The following TENT2 variants were observed in gnomAD, a reference collection of about 807,000 sequenced individuals.
TENT2 encodes poly(A) RNA polymerase GLD2.
Under a neutral mutation model 72.2 loss-of-function variants are expected in TENT2, and 44 were observed. That is an observed-to-expected ratio of 0.61 (90% confidence interval 0.48 to 0.78). The LOEUF (loss-of-function observed/expected upper bound fraction) is 0.78, where lower values mean the gene tolerates loss of function less well. Among genes scored for constraint, TENT2 ranks in the 30% least tolerant of loss-of-function variants. TENT2 has a pLI of 0.00. For missense variants in TENT2, 541 were observed against 569.6 expected, an observed-to-expected ratio of 0.95 and a Z score of 0.51; for synonymous variants, 212 against 192.5, an observed-to-expected ratio of 1.10 and a Z score of -0.84.
intron 1 of TENT2, among the ~76,000 whole-genome samples, chr5:79,614,441 C>T (rs1757938058): frequency 6.6e-6 from 1 of 152,120 alleles, no homozygotes; most frequent in Non-Finnish European, 1.5e-5. Context: ...CTCATGTAAA[C>T]CTGTGTAATT....
chr5:79,622,932 A>C (rs904097362), intron 3 of TENT2, among the ~76,000 whole-genome samples: 6 of 152,166 alleles, frequency 3.9e-5, no homozygotes, highest in Admixed American at 2.6e-4. Context: ...TCTTCTTAGT[A>C]ATTCTATAAA....
At chr5:79,648,773 A>G in intron 9 of TENT2, 80 bp downstream of exon 9, 1 of 1,093,686 alleles carries the variant, frequency 9.1e-7, no homozygotes, top group Non-Finnish European at 1.3e-6. Context: ...AAATAGTGAC[A>G]TCTCTTTAGT....
chr5:79,635,075 T>C (rs1778992873), intron 4 of TENT2, among the ~76,000 whole-genome samples: 1 of 152,230 alleles, frequency 6.6e-6, no homozygotes, highest in African/African-American at 2.4e-5. Context: ...CAGCTTGTTA[T>C]TACATATATG....
chr5:79,653,792 C>CA (rs1795911914), intron 10 of TENT2, among the ~76,000 whole-genome samples: 1 of 152,228 alleles, frequency 6.6e-6, no homozygotes, highest in South Asian at 2.1e-4. Flanking sequence ...AAAGGGCAAA[C>CA]AAGAGTCTGC....
intron 6 of TENT2, among the ~76,000 whole-genome samples, chr5:79,642,184 C>T (rs1293608528): frequency 6.6e-6 from 1 of 151,900 alleles, no homozygotes; most frequent in Non-Finnish European, 1.5e-5. Flanking sequence ...TATATTTTTA[C>T]TATTCATATT....
In TENT2 at chr5:79,685,235, A is replaced by G. The variant is rs1045396435; in HGVS notation, c.1417A>G (p.Ser473Gly). Residue 473 changes from serine (S) to glycine (G), a missense_variant, in exon 15 of 15, where the codon AGT becomes GGT. By Grantham distance (56) the Ser-to-Gly change is moderately conservative. Transcript: ENST00000453514. Reference protein sequence around the residue: ...HRLKNKRDLNSILPVRAAVLK... With the variant: ...HRLKNKRDLNGILPVRAAVLK... ...ATTGAAAAACAAGAGAGATTTGAAC[A>G]GTATACTACCTGTAAGAGCTGCTGT... 1.0e-5 allele frequency: 16 copies of G among 1,606,460 alleles called. No individual in the cohort carries two copies. The highest frequency in any genetic ancestry group is 1.4e-5 in the Non-Finnish European group (16 of 1,178,162).
intron 3 of TENT2, among the ~76,000 whole-genome samples, chr5:79,620,327 C>G (rs779143492): frequency 6.6e-5 from 10 of 152,130 alleles, no homozygotes; most frequent in Admixed American, 6.5e-4. Context: ...CTCCCCTTTT[C>G]TATATCCCAG....
rs1174804423 is a variant in TENT2, at chr5:79,654,605, A to G, written c.1028-2353A>G. 6.6e-5 allele frequency among the ~76,000 whole-genome samples: 10 copies of G among 152,162 alleles called. No individual in the cohort carries two copies. In the East Asian group the frequency reaches 1.9e-3, roughly 29 times the overall value. On this transcript the variant is annotated intron_variant, in intron 10 of 14. Transcript: ENST00000453514. ...GTGGCGAAACCCTGTCTCTACTAAAATACAAAAAACTAGCTGGATGTGGTG... is the reference window on the plus strand; with the variant it reads ...GTGGCGAAACCCTGTCTCTACTAAAGTACAAAAAACTAGCTGGATGTGGTG...
chr5:79,670,473 C>T (rs776492515), intron 12 of TENT2, among the ~76,000 whole-genome samples: 13 of 151,244 alleles, frequency 8.6e-5, no homozygotes, highest in Admixed American at 2.6e-4. Flanking sequence ...TACAAGCACC[C>T]GTGACCACGC....
chr5:79,635,495 A>G (rs144335117), intron 4 of TENT2, among the ~76,000 whole-genome samples: 175 of 152,350 alleles, frequency 1.1e-3, no homozygotes, highest in African/African-American at 4.1e-3. Context: ...TTTCTACATT[A>G]ACAAGGTCAT....
intron 14 of TENT2, among the ~76,000 whole-genome samples, chr5:79,684,474 T>C (rs1825038943): frequency 6.6e-6 from 1 of 152,062 alleles, no homozygotes; most frequent in South Asian, 2.1e-4. Flanking sequence ...CAGGCTGGCC[T>C]TCAGCTCCTG....
chr5:79,679,691 T>G (rs376629281), intron 13 of TENT2, 21 bp downstream of exon 13: 12 of 1,394,212 alleles, frequency 8.6e-6, no homozygotes, highest in Admixed American at 2.0e-5. Flanking sequence ...GTTTACCATC[T>G]ACGTATCATC....
intron 12 of TENT2, among the ~76,000 whole-genome samples, chr5:79,678,245 T>G (rs1818821755): frequency 6.6e-6 from 1 of 152,202 alleles, no homozygotes; most frequent in Admixed American, 6.5e-5. Flanking sequence ...GCAAGATTTT[T>G]CATGCTTATT....
chr5:79,657,151 A>G (rs1457068921), intron 11 of TENT2, 150 bp downstream of exon 11: 2 of 532,190 alleles, frequency 3.8e-6, no homozygotes, highest in Admixed American at 7.4e-5. Flanking sequence ...AAAATGTTTC[A>G]TATACTGTTT....
At chr5:79,616,189 A>ATTT (rs1229523040) in intron 1 of TENT2, among the ~76,000 whole-genome samples, 3 of 88,118 alleles carry the variant, frequency 3.4e-5, no homozygotes, top group Admixed American at 1.4e-4. Flanking sequence ...ACCCGGCCTA[A>ATTT]TTTTTTTTTT....
At chr5:79,652,343 T>G (rs1381910039) in intron 10 of TENT2, among the ~76,000 whole-genome samples, 2 of 152,042 alleles carry the variant, frequency 1.3e-5, no homozygotes, top group African/African-American at 4.8e-5. Context: ...CATGATATAT[T>G]CTCATACATC....
intron 8 of TENT2, among the ~76,000 whole-genome samples, chr5:79,647,763 A>G (rs139625724): frequency 1.3e-5 from 2 of 152,318 alleles, no homozygotes; most frequent in East Asian, 1.9e-4. Flanking sequence ...ACTGACTTAC[A>G]TAAAGTAATC....
At chr5:79,619,288 A>T (rs1398142814) in intron 1 of TENT2, among the ~76,000 whole-genome samples, 3 of 152,188 alleles carry the variant, frequency 2.0e-5, no homozygotes, top group African/African-American at 7.2e-5. Context: ...AAATGTAATA[A>T]TCTGTGGGAT....
chr5:79,630,979 T>C (rs1271813668), intron 4 of TENT2, among the ~76,000 whole-genome samples: 1 of 152,070 alleles, frequency 6.6e-6, no homozygotes, highest in Non-Finnish European at 1.5e-5. Flanking sequence ...ATGCTAGTAG[T>C]TAAGATGAAG....
Sources: gnomAD v4.1 joint callset for allele counts (sites outside exome capture counted in the v4.1 genomes callset) on GRCh38, gnomAD v4.1.1 for gene constraint, MANE v1.5 for transcripts, NCBI Gene and HGNC (gene_info 2026-07-23, HGNC 2026-07-21) for gene names.